The following ECHDC3 variants were observed in gnomAD, a reference collection of about 807,000 sequenced individuals.
ECHDC3 encodes enoyl-CoA hydratase domain containing 3.
In ECHDC3, 20 loss-of-function variants were observed where a neutral mutation model predicts 17.9. That is an observed-to-expected ratio of 1.12 (90% CI 0.79 to 1.63). The LOEUF is 1.63. ECHDC3 is among the 40% of genes most tolerant of loss of function. The pLI is 0.00. For missense variants in ECHDC3, 407 were observed against 357.7 expected, an observed-to-expected ratio of 1.14 and a Z score of -1.11; for synonymous variants, 177 against 149.7, an observed-to-expected ratio of 1.18 and a Z score of -1.33.
intron 4 of ECHDC3, among the ~76,000 whole-genome samples, chr10:11,759,391 T>C (rs1832920857): frequency 1.4e-5 from 2 of 143,706 alleles, no homozygotes; most frequent in African/African-American, 2.6e-5. Context: ...AAACACGCAG[T>C]CCCAGAGAGC....
chr10:11,742,922 G>A, intron 1 of ECHDC3, 176 bp downstream of exon 1: 1 of 705,322 alleles, frequency 1.4e-6, no homozygotes, highest in Non-Finnish European at 2.0e-6. Context: ...TTGTAGGGCC[G>A]TCGGTGGGAC....
At chr10:11,762,823 G>A (rs1262727820) in intron 4 of ECHDC3, among the ~76,000 whole-genome samples, 7 of 152,102 alleles carry the variant, frequency 4.6e-5, no homozygotes. Flanking sequence ...TATTGTGGGA[G>A]GTGGCCCCAG....
intron 4 of ECHDC3, among the ~76,000 whole-genome samples, chr10:11,759,837 A>C (rs1188758570): frequency 6.6e-6 from 1 of 152,240 alleles, no homozygotes; most frequent in Non-Finnish European, 1.5e-5. Flanking sequence ...GTGCCTACTG[A>C]GTGCCCAGGA....
chr10:11,754,654 C>CT (rs1410724443), intron 3 of ECHDC3, among the ~76,000 whole-genome samples: 1 of 152,234 alleles, frequency 6.6e-6, no homozygotes, highest in African/African-American at 2.4e-5. Context: ...AGCTTCAGAC[C>CT]TTTAACCCAA....
intron 3 of ECHDC3, 68 bp from the exon 4 acceptor site, chr10:11,755,340 A>AAG: frequency 7.6e-7 from 1 of 1,308,760 alleles, no homozygotes; most frequent in Non-Finnish European, 1.0e-6. Context: ...AAAAAAAAAA[A>AAG]AAAGCAATAG....
rs530257623 is a variant in ECHDC3 at position 11,763,209 on chromosome 10, C to T, written c.592-15C>T. ...ACAGGAGAGCACCTCAGTGACATCCCGTGTCTCCCCGTAGGTGGCCTTGGA... is the reference window on the plus strand; with the variant it reads ...ACAGGAGAGCACCTCAGTGACATCCTGTGTCTCCCCGTAGGTGGCCTTGGA... On this transcript the variant is annotated splice_polypyrimidine_tract_variant and intron_variant, in intron 4 of 4. Transcript: ENST00000379215. This position sits in a 1 kb window ranked among gnomAD's most constrained non-coding sequence, Gnocchi z 4.9. 45 of 760,406 alleles carry T rather than the reference C, an allele frequency of 5.9e-5. No individual in the cohort carries two copies. Among genetic ancestry groups the T allele is most frequent in the Admixed American group, 3.6e-4 (21 of 57,998 alleles). 47.1% of individuals were successfully genotyped at this position (760,406 alleles called of 1,614,324 possible).
At chr10:11,744,713 T>C (rs1832742315) in intron 1 of ECHDC3, among the ~76,000 whole-genome samples, 1 of 152,202 alleles carries the variant, frequency 6.6e-6, no homozygotes, top group Non-Finnish European at 1.5e-5. Flanking sequence ...CAGGCTTTGA[T>C]GCCAGTTGAA....
intron 4 of ECHDC3, among the ~76,000 whole-genome samples, chr10:11,757,315 CTT>C (rs1387634657): frequency 6.6e-6 from 1 of 152,134 alleles, no homozygotes; most frequent in Non-Finnish European, 1.5e-5. Context: ...TTCCTAGAAA[CTT>C]AACGCTAGAC....
At chr10:11,756,491 C>T (rs566192021) in intron 4 of ECHDC3, among the ~76,000 whole-genome samples, 67 of 152,294 alleles carry the variant, frequency 4.4e-4, no homozygotes, top group African/African-American at 1.5e-3. Flanking sequence ...GAAATAAGAT[C>T]CAAGGGAAAT....
chr10:11,754,810 C>T (rs990489858), intron 3 of ECHDC3, among the ~76,000 whole-genome samples: 1 of 152,224 alleles, frequency 6.6e-6, no homozygotes, highest in Non-Finnish European at 1.5e-5. Context: ...AGCTTGGGGC[C>T]ACCCCCTGCG....
chr10:11,763,883 G>C lies in ECHDC3; in HGVS notation c.*339G>C, dbSNP rs1025453535. On this transcript the variant is annotated 3_prime_UTR_variant, in exon 5 of 5. Coordinates refer to ENST00000379215, the MANE Select transcript of ECHDC3 (RefSeq NM_024693.5). The surrounding 1 kb of genome is among the most constrained non-coding windows in gnomAD (Gnocchi z 4.9). ...AACCCATGGAGGCAGAAAGAAGGAC[G>C]CCAGCCTGACCCTTATCTGAAACGT... 6.6e-6 allele frequency: 7 copies of C among 1,065,422 alleles called. No individual in the cohort carries two copies. The highest frequency in any genetic ancestry group is 3.4e-5 in the African/African-American group (2 of 59,668). The allele number at this position is 1,065,422 out of a possible 1,614,324, so 66.0% of individuals were successfully genotyped here.
chr10:11,747,580 C>G, intron 2 of ECHDC3, 110 bp downstream of exon 2: 5 of 1,333,160 alleles, frequency 3.8e-6, no homozygotes, highest in Non-Finnish European at 4.2e-6. Context: ...TTTTGAAGCT[C>G]CTTTACAAGA....
At chr10:11,762,864 C>G (rs1190048935) in intron 4 of ECHDC3, among the ~76,000 whole-genome samples, 1 of 152,130 alleles carries the variant, frequency 6.6e-6, no homozygotes, top group Non-Finnish European at 1.5e-5. Flanking sequence ...AACCCCCACT[C>G]CCCGCCACCC....
intron 1 of ECHDC3, among the ~76,000 whole-genome samples, chr10:11,747,021 C>A (rs1004166024): frequency 6.6e-6 from 1 of 152,204 alleles, no homozygotes; most frequent in Admixed American, 6.5e-5. Flanking sequence ...AAGCTTGCAG[C>A]CTCTCTGGGT....
chr10:11,743,211 C>T (rs1479478932), intron 1 of ECHDC3, among the ~76,000 whole-genome samples: 1 of 152,180 alleles, frequency 6.6e-6, no homozygotes, highest in East Asian at 1.9e-4. Context: ...GGAATCTGGG[C>T]GATGGAGTCA....
chr10:11,749,563 C>T lies in ECHDC3; in HGVS notation c.361C>T (p.His121Tyr). ...GACAGAGGAGCAAGGCCGTGATTAC[C>T]ATGCCGAAGTATTTCAGACCTGTTC... ...ELTEEQGRDYHAEVFQTCSKV... is the reference protein window; with the variant it reads ...ELTEEQGRDYYAEVFQTCSKV... Residue 121 changes from histidine to tyrosine, a missense_variant, in exon 3 of 5, where the codon CAT (histidine) becomes TAT (tyrosine). Transcript: ENST00000379215. 6.2e-7 allele frequency: 1 copy of T among 1,614,092 alleles called. No homozygotes were observed. The highest frequency in any genetic ancestry group is 8.5e-7 in the Non-Finnish European group (1 of 1,180,026).
intron 3 of ECHDC3, among the ~76,000 whole-genome samples, chr10:11,751,896 A>G (rs1372602558): frequency 1.3e-5 from 2 of 152,224 alleles, no homozygotes; most frequent in Admixed American, 6.5e-5. Context: ...TTGGGGAGAT[A>G]ACATGAAACC....
Position 11,755,472 on chromosome 10 carries a change from C to A in ECHDC3, c.455C>A (p.Ala152Asp). 6.2e-7 allele frequency: 1 copy of A among 1,614,074 alleles called. No individual in the cohort carries two copies. The highest frequency in any genetic ancestry group is 8.5e-7 in the Non-Finnish European group (1 of 1,179,972). ...GCCATGGTCAATGGCCTGGCCGCGGCTGCCGGCTGTCAACTGGTTGCCAGC... is the reference window on the plus strand; with the variant it reads ...GCCATGGTCAATGGCCTGGCCGCGGATGCCGGCTGTCAACTGGTTGCCAGC... ...VIAMVNGLAA[A>D]AGCQLVASCD... Residue 152 changes from alanine to aspartate, a missense_variant, in exon 4 of 5, where the codon GCT becomes GAT. Ala to Asp is a moderately radical substitution (Grantham distance 126). Coordinates refer to ENST00000379215, the MANE Select transcript of ECHDC3 (RefSeq NM_024693.5).
At chr10:11,757,604 C>CT (rs1669791498) in intron 4 of ECHDC3, among the ~76,000 whole-genome samples, 1 of 151,930 alleles carries the variant, frequency 6.6e-6, no homozygotes, top group African/African-American at 2.4e-5. Context: ...CAACTGGAGA[C>CT]TCGCCAGTTT....
Sources: gnomAD v4.1 joint callset for allele counts (sites outside exome capture counted in the v4.1 genomes callset) on GRCh38, gnomAD v4.1.1 for gene constraint, Gnocchi (gnomAD v3.1) non-coding constraint, MANE v1.5 for transcripts, NCBI Gene and HGNC (gene_info 2026-07-23, HGNC 2026-07-21) for gene names.